The following INO80 variants were observed in gnomAD, a reference collection of about 807,000 sequenced individuals.
The protein encoded by INO80 is INO80 complex ATPase subunit.
INO80 carries 20 observed loss-of-function variants against 203.4 expected under a neutral mutation model. The observed-to-expected ratio is 0.10, with a 90% CI of 0.07 to 0.14. The LOEUF (loss-of-function observed/expected upper bound fraction) is 0.14. INO80 is among the 10% of genes least tolerant of loss of function. INO80 has a pLI of 1.00. For synonymous variants in INO80, 726 were observed against 685.2 expected (o/e 1.06, Z -0.93); for missense variants, 1,419 against 1,914.4 (o/e 0.74, Z 4.83).
intron 4 of INO80, among the ~76,000 whole-genome samples, chr15:41,094,380 C>T (rs993329033): frequency 2.0e-5 from 3 of 152,138 alleles, no homozygotes; most frequent in African/African-American, 7.2e-5. Flanking sequence ...GTTGTTCCTT[C>T]TGACCGAAAT....
intron 7 of INO80, 53 bp from the exon 8 acceptor site, chr15:41,081,126 C>G: frequency 8.6e-7 from 1 of 1,158,262 alleles, no homozygotes. Flanking sequence ...TGAACTAAGA[C>G]TATGTAGAAT....
intron 14 of INO80, among the ~76,000 whole-genome samples, chr15:41,068,874 AACAAG>A (rs2045266329): frequency 6.6e-6 from 1 of 152,140 alleles, no homozygotes. Flanking sequence ...CAAAAACAAA[AACAAG>A]ACATGTATTA....
chr15:41,010,394 TC>T (rs1436015145), intron 27 of INO80, among the ~76,000 whole-genome samples: 1 of 152,086 alleles, frequency 6.6e-6, no homozygotes, highest in African/African-American at 2.4e-5. Context: ...TCCAATCACC[TC>T]CTTTTTAAAT....
intron 4 of INO80, 65 bp downstream of exon 4, chr15:41,095,536 C>T (rs1461261712): frequency 8.8e-7 from 1 of 1,140,180 alleles, no homozygotes; most frequent in East Asian, 2.3e-5. Context: ...GAGTTGATAA[C>T]TTTCCCATCT....
chr15:41,058,361 A>G (rs1446813865), intron 16 of INO80, among the ~76,000 whole-genome samples: 1 of 152,152 alleles, frequency 6.6e-6, no homozygotes, highest in Non-Finnish European at 1.5e-5. Context: ...ATGTCACGTC[A>G]TATTTAAAAC....
Position 41,095,588 on chromosome 15 carries a change from C to T in INO80, c.381+13G>A. 6.3e-7 allele frequency: 1 copy of T among 1,589,782 alleles called. No homozygotes were observed. Among genetic ancestry groups the T allele is most frequent in the Non-Finnish European group, 8.6e-7 (1 of 1,158,802 alleles). On this transcript the variant is annotated intron_variant, in intron 4 of 35. Coordinates refer to ENST00000648947, the MANE Select transcript of INO80 (RefSeq NM_017553.3). The stretch of plus-strand genomic sequence containing the variant: ...GACTATCTGCACTGTAAACACCCTG[C>T]TTTATCTCTTACCTTTAGCCACTTT...
rs542059724 is a variant in INO80, at chr15:41,062,651, C to T, written c.1783-2725G>A. Among the ~76,000 whole-genome samples, 3 of 152,254 alleles carry T rather than the reference C, an allele frequency of 2.0e-5. No individual in the cohort carries two copies. In the South Asian group the frequency reaches 6.2e-4, roughly 32 times the overall value. ...ATGCAACAGTACTGAGAGGTGGGAG[C>T]TTTCAGGGGTGAGAAGGTCATGGGG... On this transcript the variant is annotated intron_variant, in intron 14 of 35. Coordinates refer to ENST00000648947, the MANE Select transcript of INO80 (RefSeq NM_017553.3).
intron 32 of INO80, 86 bp downstream of exon 32, chr15:40,985,252 A>G (rs948738004): frequency 6.6e-6 from 6 of 904,196 alleles, no homozygotes; most frequent in Non-Finnish European, 9.2e-6. Flanking sequence ...CCAGTAACCA[A>G]GATGAGAAGC....
At chr15:41,032,027 GCACAGC>G (rs2044490418) in intron 24 of INO80, among the ~76,000 whole-genome samples, 1 of 80,900 alleles carries the variant, frequency 1.2e-5, no homozygotes, top group Admixed American at 1.3e-4. Context: ...GCACAGCACA[GCACAGC>G]ACAGCACAGC....
At chr15:41,058,528 T>C in intron 16 of INO80, 111 bp downstream of exon 16, 3 of 985,452 alleles carry the variant, frequency 3.0e-6, no homozygotes, top group Non-Finnish European at 2.8e-6. Context: ...TCTCATATCT[T>C]GATTTTATTC....
chr15:41,000,004 A>G (rs1283363300), intron 28 of INO80, among the ~76,000 whole-genome samples: 2 of 152,166 alleles, frequency 1.3e-5, no homozygotes, highest in Non-Finnish European at 2.9e-5. Context: ...AGGCTGAGGC[A>G]GCAGGATCAT....
chr15:41,082,637 G>A (rs1345412663), intron 7 of INO80, among the ~76,000 whole-genome samples: 1 of 152,078 alleles, frequency 6.6e-6, no homozygotes, highest in Non-Finnish European at 1.5e-5. Flanking sequence ...CCGGGAGGTG[G>A]AGGTTGCAGT....
chr15:41,086,789 G>A (rs1015195071), intron 6 of INO80, among the ~76,000 whole-genome samples: 1 of 152,128 alleles, frequency 6.6e-6, no homozygotes, highest in African/African-American at 2.4e-5. Context: ...ACATTTCCTG[G>A]CAAACATGCA....
intron 1 of INO80, among the ~76,000 whole-genome samples, chr15:41,113,173 C>A (rs1482259036): frequency 6.6e-6 from 1 of 152,102 alleles, no homozygotes; most frequent in Non-Finnish European, 1.5e-5. Context: ...GCTCAGCCTC[C>A]CAAAGTGCCG....
chr15:41,032,549 T>C (rs1195601162), intron 24 of INO80, among the ~76,000 whole-genome samples: 1 of 152,108 alleles, frequency 6.6e-6, no homozygotes, highest in African/African-American at 2.4e-5. Context: ...AAACTTCCTG[T>C]TTGGGGGGTG....
At chr15:41,015,806 G>C (rs2044195695) in intron 27 of INO80, among the ~76,000 whole-genome samples, 1 of 147,430 alleles carries the variant, frequency 6.8e-6, no homozygotes, top group African/African-American at 2.5e-5. Context: ...AAAGAGCTGA[G>C]TGTGGTGGTG....
chr15:41,003,113 C>CTT (rs1566906479), intron 28 of INO80, among the ~76,000 whole-genome samples: 1 of 147,346 alleles, frequency 6.8e-6, no homozygotes, highest in South Asian at 2.1e-4. Context: ...GAGCGAGACT[C>CTT]TGTCTCAGAA....
chr15:41,088,706 C>T (rs2045594664), intron 5 of INO80, among the ~76,000 whole-genome samples: 1 of 152,178 alleles, frequency 6.6e-6, no homozygotes, highest in Non-Finnish European at 1.5e-5. Flanking sequence ...TATTAAATCT[C>T]TTTCCTGGAT....
At chr15:41,007,469 C>T (rs1282043328) in intron 27 of INO80, among the ~76,000 whole-genome samples, 3 of 152,052 alleles carry the variant, frequency 2.0e-5, no homozygotes, top group Non-Finnish European at 4.4e-5. Flanking sequence ...AGGTGTGACC[C>T]ACTGAGCCAA....
Sources: gnomAD v4.1 joint callset for allele counts (sites outside exome capture counted in the v4.1 genomes callset) on GRCh38, gnomAD v4.1.1 for gene constraint, MANE v1.5 for transcripts, NCBI Gene and HGNC (gene_info 2026-07-23, HGNC 2026-07-21) for gene names.